APC: variants seen among roughly 807,000 people sequenced by gnomAD.
APC encodes APC regulator of Wnt signaling pathway.
APC carries 72 observed loss-of-function variants against 247.0 expected under a neutral mutation model. The ratio of observed to expected loss-of-function variants is 0.29; its 90% CI spans 0.24 to 0.35. The LOEUF is 0.35. Among genes scored for constraint, APC ranks in the 10% least tolerant of loss-of-function variants. The pLI, the probability that APC is intolerant of heterozygous loss-of-function variation, is 1.00. For missense variants in APC, 3,400 were observed against 3,360.7 expected (o/e 1.01, Z -0.29); for synonymous variants, 1,254 against 1,162.5 (o/e 1.08, Z -1.60).
At chr5:112,718,564 A>C (rs1168603610) in intron 1 of APC, among the ~76,000 whole-genome samples, 1 of 152,150 alleles carries the variant, frequency 6.6e-6, no homozygotes, top group South Asian at 2.1e-4. Context: ...CAGGCAACAA[A>C]CAACCAAGCT....
chr5:112,833,976 CAG>C (rs1259742022), intron 14 of APC, among the ~76,000 whole-genome samples: 1 of 151,090 alleles, frequency 6.6e-6, no homozygotes, highest in Admixed American at 6.6e-5. Flanking sequence ...TTTTTTGAGA[CAG>C]GGTCTCACTG....
At chr5:112,759,479 T>C (rs1391306518) in intron 2 of APC, among the ~76,000 whole-genome samples, 2 of 150,096 alleles carry the variant, frequency 1.3e-5, no homozygotes, top group Non-Finnish European at 3.0e-5. Flanking sequence ...TGCCTCAGCC[T>C]CCCGAGTAGC....
rs1554085448 is a variant in APC, at chr5:112,839,603, C to A, written c.4009C>A (p.Leu1337Met). The A allele has an allele frequency of 6.2e-7, 1 of 1,614,174 alleles. No homozygotes were observed. Among genetic ancestry groups the A allele is most frequent in the Non-Finnish European group, 8.5e-7 (1 of 1,180,018 alleles). Reference protein sequence around the residue: ...SQHPRTKSSRLQGSSLSSESA... With the variant: ...SQHPRTKSSRMQGSSLSSESA... ...GCACCCTAGAACCAAATCCAGCAGA[C>A]TGCAGGGTTCTAGTTTATCTTCAGA... The change falls in exon 16 of 16, where the codon CTG becomes ATG. Residue 1337 changes from leucine (L) to methionine (M), a missense_variant. By Grantham distance (15) the Leu-to-Met change is conservative (BLOSUM62 2). Around this residue, in one of 9 missense-constraint regions of APC, gnomAD observed 715 missense variants for 656.6 expected, o/e 1.09. Coordinates refer to ENST00000257430, the MANE Select transcript of APC (RefSeq NM_000038.6). The surrounding 1 kb of genome is among the most constrained non-coding windows in gnomAD (Gnocchi z 5.0).
At chr5:112,728,865 A>G (rs566641891) in intron 1 of APC, among the ~76,000 whole-genome samples, 1 of 152,264 alleles carries the variant, frequency 6.6e-6, no homozygotes, top group Non-Finnish European at 1.5e-5. Flanking sequence ...TTCTAATTAT[A>G]TATCCCTTTT....
chr5:112,776,379 C>A (rs1361280884), intron 5 of APC, among the ~76,000 whole-genome samples: 2 of 152,110 alleles, frequency 1.3e-5, no homozygotes, highest in African/African-American at 2.4e-5. Flanking sequence ...AAAAAACATG[C>A]AAGTCAATAG....
chr5:112,837,546 A>T lies in APC; in HGVS notation c.1959-7A>T. The T allele has an allele frequency of 1.9e-6, 3 of 1,608,860 alleles. No homozygotes were observed. The highest frequency in any genetic ancestry group is 1.3e-5 in the African/African-American group (1 of 74,910). On this transcript the variant is annotated splice_region_variant and splice_polypyrimidine_tract_variant and intron_variant, in intron 15 of 15. Transcript: ENST00000257430. ...CTTAATTTTGTGATCTCTTGATTTT[A>T]TTTCAGGCAAATCCTAAGAGAGAAC...
intron 14 of APC, 116 bp downstream of exon 14, chr5:112,829,088 A>C (rs527858633): frequency 2.7e-6 from 2 of 740,636 alleles, no homozygotes; most frequent in East Asian, 5.2e-5. Flanking sequence ...TCAGTACTAT[A>C]ATATGAATTT....
At chr5:112,708,242 T>G (rs751776472) in intron 1 of APC, among the ~76,000 whole-genome samples, 1 of 152,182 alleles carries the variant, frequency 6.6e-6, no homozygotes, top group Non-Finnish European at 1.5e-5. Context: ...TTGCTTCCTC[T>G]AAAAGTTTTA....
At chr5:112,721,526 T>C (rs1751484907) in intron 1 of APC, among the ~76,000 whole-genome samples, 1 of 152,140 alleles carries the variant, frequency 6.6e-6, no homozygotes, top group Admixed American at 6.5e-5. Flanking sequence ...GCGTGGATCA[T>C]GGAAGTTGGT....
At chr5:112,796,589 C>CT (rs1338347350) in intron 7 of APC, among the ~76,000 whole-genome samples, 1 of 151,590 alleles carries the variant, frequency 6.6e-6, no homozygotes, top group African/African-American at 2.4e-5. Flanking sequence ...GCAATGGACT[C>CT]TTTTTTTACC....
intron 6 of APC, among the ~76,000 whole-genome samples, chr5:112,788,422 A>G (rs1759214127): frequency 6.6e-6 from 1 of 152,208 alleles, no homozygotes; most frequent in Non-Finnish European, 1.5e-5. Context: ...CAGACCTTCT[A>G]TATTCAAATC....
intron 1 of APC, among the ~76,000 whole-genome samples, chr5:112,750,672 C>G (rs895687542): frequency 6.6e-6 from 1 of 152,160 alleles, no homozygotes. Flanking sequence ...TACTCCTAGT[C>G]TAGTAACGGA....
At chr5:112,813,329 A>G (rs138453671) in intron 8 of APC, among the ~76,000 whole-genome samples, 2 of 152,322 alleles carry the variant, frequency 1.3e-5, no homozygotes, top group African/African-American at 2.4e-5. Context: ...TAGTCAGGAA[A>G]ACCTCACCTT....
intron 2 of APC, among the ~76,000 whole-genome samples, chr5:112,760,812 ATT>A (rs748700583): frequency 2.1e-5 from 3 of 143,400 alleles, no homozygotes; most frequent in Non-Finnish European, 3.1e-5. Flanking sequence ...GTCTCAATCC[ATT>A]TTTTTTTTTT....
At chr5:112,711,426 A>G (rs113477597) in intron 1 of APC, among the ~76,000 whole-genome samples, 78 of 152,362 alleles carry the variant, frequency 5.1e-4, no homozygotes, top group African/African-American at 1.9e-3. Context: ...ATCAGTTGTG[A>G]AATATACTGT....
intron 3 of APC, among the ~76,000 whole-genome samples, chr5:112,766,680 G>T (rs955110433): frequency 6.6e-6 from 1 of 152,022 alleles, no homozygotes; most frequent in African/African-American, 2.4e-5. Context: ...AAAGCTTGTT[G>T]CTATTCTGCC....
intron 1 of APC, among the ~76,000 whole-genome samples, chr5:112,722,402 T>C (rs1044058052): frequency 6.6e-6 from 1 of 152,154 alleles, no homozygotes; most frequent in African/African-American, 2.4e-5. Context: ...TTAAATGAAT[T>C]AAAAAACAGA....
chr5:112,780,563 C>T (rs1758208004), intron 5 of APC, among the ~76,000 whole-genome samples: 1 of 152,184 alleles, frequency 6.6e-6, no homozygotes, highest in African/African-American at 2.4e-5. Flanking sequence ...CCACTTGTGA[C>T]TTTGGCAAAT....
chr5:112,821,543 A>T (rs1382406811), intron 10 of APC, among the ~76,000 whole-genome samples: 1 of 152,000 alleles, frequency 6.6e-6, no homozygotes, highest in Non-Finnish European at 1.5e-5. Flanking sequence ...GAAAGAAATT[A>T]TAAACAAAAT....
Sources: allele counts gnomAD v4.1 joint callset (sites outside exome capture counted in the v4.1 genomes callset), GRCh38; gene constraint gnomAD v4.1.1; regional missense constraint gnomAD v4.1.1; non-coding constraint Gnocchi (gnomAD v3.1); transcripts MANE v1.5; gene names NCBI Gene and HGNC (gene_info 2026-07-23, HGNC 2026-07-21).